The following ARHGAP15 variants were observed in gnomAD, a reference collection of about 807,000 sequenced individuals.
ARHGAP15 encodes the protein Rho GTPase activating protein 15.
A neutral mutation model predicts 63.7 loss-of-function variants in ARHGAP15; 51 were observed. The observed-to-expected ratio is 0.80, with a 90% CI of 0.64 to 1.01. The LOEUF (loss-of-function observed/expected upper bound fraction) is 1.01, where lower values mean the gene tolerates loss of function less well. ARHGAP15 is among the 50% of genes least tolerant of loss of function. The pLI, the probability that ARHGAP15 is intolerant of heterozygous loss-of-function variation, is 0.00. For missense variants in ARHGAP15, 560 were observed against 564.6 expected (o/e 0.99, Z 0.08); for synonymous variants, 191 against 193.8 (o/e 0.99, Z 0.12).
At chr2:143,682,462 A>T (rs900564486) in intron 12 of ARHGAP15, among the ~76,000 whole-genome samples, 1 of 152,202 alleles carries the variant, frequency 6.6e-6, no homozygotes. Context: ...AAATGTGAAA[A>T]TGCAAAAACA....
At chr2:143,287,889 C>T (rs898660163) in intron 6 of ARHGAP15, among the ~76,000 whole-genome samples, 5 of 152,178 alleles carry the variant, frequency 3.3e-5, no homozygotes, top group Admixed American at 2.6e-4. Context: ...ACATATCTCA[C>T]CCCTGCAGGC....
At chr2:143,334,405 G>T (rs926051539) in intron 6 of ARHGAP15, among the ~76,000 whole-genome samples, 1 of 152,026 alleles carries the variant, frequency 6.6e-6, no homozygotes, top group Admixed American at 6.5e-5. Flanking sequence ...ACTCACAAAG[G>T]TATCCATTGT....
intron 13 of ARHGAP15, among the ~76,000 whole-genome samples, chr2:143,735,156 ATATT>A (rs1685696539): frequency 6.6e-6 from 1 of 152,178 alleles, no homozygotes; most frequent in Admixed American, 6.6e-5. Flanking sequence ...TCTCTCCTAA[ATATT>A]TATAAGCCAT....
intron 6 of ARHGAP15, among the ~76,000 whole-genome samples, chr2:143,316,707 C>G (rs994314124): frequency 6.6e-6 from 1 of 150,612 alleles, no homozygotes; most frequent in Non-Finnish European, 1.5e-5. Context: ...ATTCTCTGAT[C>G]AATTCTGTCT....
At chr2:143,594,110 T>C (rs1261804919) in intron 11 of ARHGAP15, among the ~76,000 whole-genome samples, 1 of 152,096 alleles carries the variant, frequency 6.6e-6, no homozygotes, top group Non-Finnish European at 1.5e-5. Context: ...ATTAATCTCA[T>C]CATTAAAAGG....
At chr2:143,750,675 GA>G (rs1432567534) in intron 13 of ARHGAP15, among the ~76,000 whole-genome samples, 1 of 152,160 alleles carries the variant, frequency 6.6e-6, no homozygotes, top group Non-Finnish European at 1.5e-5. Flanking sequence ...CCTCCAGTTA[GA>G]AGAGAATCAC....
chr2:143,401,771 T>C (rs991926803), intron 6 of ARHGAP15, among the ~76,000 whole-genome samples: 1 of 152,134 alleles, frequency 6.6e-6, no homozygotes, highest in African/African-American at 2.4e-5. Flanking sequence ...ATATACAATA[T>C]GTATGAAATG....
intron 1 of ARHGAP15, among the ~76,000 whole-genome samples, chr2:143,154,421 A>G (rs947600668): frequency 2.6e-5 from 4 of 151,916 alleles, no homozygotes; most frequent in African/African-American, 9.7e-5. Flanking sequence ...GGGTGGCTAT[A>G]CACTTGCCTC....
chr2:143,500,627 T>C (rs1295162543), intron 9 of ARHGAP15, among the ~76,000 whole-genome samples: 1 of 152,208 alleles, frequency 6.6e-6, no homozygotes, highest in Non-Finnish European at 1.5e-5. Context: ...ATGTGTTATA[T>C]ATTTATTTAC....
chr2:143,316,495 C>T lies in ARHGAP15; in HGVS notation c.474+65895C>T, dbSNP rs576571501. ...GATTTATCTTTGCCTGGCAGAATCT[C>T]GCTATTTGTAATATATACATATATA... On this transcript the variant is annotated intron_variant, in intron 6 of 13. Transcript: ENST00000295095. 4.0e-5 allele frequency among the ~76,000 whole-genome samples: 6 copies of T among 148,932 alleles called. No individual in the cohort carries two copies. The South Asian group carries it at 8.4e-4, about 21-fold the overall frequency.
chr2:143,300,769 C>T (rs1682858456), intron 6 of ARHGAP15, among the ~76,000 whole-genome samples: 3 of 151,988 alleles, frequency 2.0e-5, no homozygotes, highest in Admixed American at 6.6e-5. Flanking sequence ...GTGGTTACTC[C>T]AAATGCAAGG....
intron 6 of ARHGAP15, among the ~76,000 whole-genome samples, chr2:143,388,930 T>C (rs1687417957): frequency 6.6e-6 from 1 of 151,960 alleles, no homozygotes; most frequent in Non-Finnish European, 1.5e-5. Flanking sequence ...TATTACTATA[T>C]GTCAAGTGGA....
At chr2:143,478,987 A>C (rs916177399) in intron 8 of ARHGAP15, among the ~76,000 whole-genome samples, 5 of 152,230 alleles carry the variant, frequency 3.3e-5, no homozygotes, top group African/African-American at 1.2e-4. Flanking sequence ...TTTAAAGAAG[A>C]AGCCTCAAAA....
intron 6 of ARHGAP15, among the ~76,000 whole-genome samples, chr2:143,320,811 G>A (rs767898829): frequency 1.6e-4 from 25 of 152,176 alleles, no homozygotes; most frequent in Non-Finnish European, 3.2e-4. Flanking sequence ...AACAGGATGA[G>A]GTTTTAAATA....
intron 6 of ARHGAP15, among the ~76,000 whole-genome samples, chr2:143,306,485 T>C (rs1388668323): frequency 6.6e-6 from 1 of 152,166 alleles, no homozygotes; most frequent in Non-Finnish European, 1.5e-5. Context: ...CTAATAATCA[T>C]ATATAATAAT....
chr2:143,613,367 C>T lies in ARHGAP15; in HGVS notation c.1004-10766C>T, dbSNP rs544963369. Among the ~76,000 whole-genome samples the T allele has an allele frequency of 8.6e-4, 131 of 152,206 alleles. 1 individual carries two copies. Among genetic ancestry groups the T allele is most frequent in the Middle Eastern group, 3.4e-3 (1 of 294 alleles). On this transcript the variant is annotated intron_variant, in intron 11 of 13. Coordinates refer to ENST00000295095, the MANE Select transcript of ARHGAP15 (RefSeq NM_018460.4). Reference sequence around the variant, plus strand: ...CTTATTGGTAAGTAAAAAAGCAAATCCCATGGTTGATGATAGATATGACCT... The same window carrying T: ...CTTATTGGTAAGTAAAAAAGCAAATTCCATGGTTGATGATAGATATGACCT...
chr2:143,755,348 T>G (rs1686538758), intron 13 of ARHGAP15, among the ~76,000 whole-genome samples: 1 of 152,126 alleles, frequency 6.6e-6, no homozygotes, highest in Admixed American at 6.6e-5. Flanking sequence ...ATTCTTATTG[T>G]ATCTTTGTCT....
chr2:143,576,712 G>T (rs898158845), intron 11 of ARHGAP15, among the ~76,000 whole-genome samples: 6 of 152,106 alleles, frequency 3.9e-5, no homozygotes, highest in Non-Finnish European at 4.4e-5. Flanking sequence ...AAAGAAAAAA[G>T]AACTCTGGGA....
Position 143,155,606 on chromosome 2 carries a change from G to C in ARHGAP15, c.116G>C (p.Ser39Thr). ...KNANSHHDRL[S>T]QSKSMILTDV... ...GCCAACAGCCACCATGACAGGCTCA[G>C]CCAAAGTAAATCCATGATCCTCACC... The change falls in exon 2 of 14, where the codon AGC becomes ACC. Residue 39 changes from serine to threonine, a missense_variant. Ser to Thr is a moderately conservative substitution (Grantham distance 58, BLOSUM62 1). Transcript: ENST00000295095. 6.2e-7 allele frequency: 1 copy of C among 1,606,900 alleles called. No homozygotes were observed. Among genetic ancestry groups the C allele is most frequent in the Non-Finnish European group, 8.5e-7 (1 of 1,177,102 alleles).
Sources: allele counts gnomAD v4.1 joint callset (sites outside exome capture counted in the v4.1 genomes callset), GRCh38; gene constraint gnomAD v4.1.1; transcripts MANE v1.5; gene names NCBI Gene and HGNC (gene_info 2026-07-23, HGNC 2026-07-21).